Variants in MSRB3 observed in about 807,000 individuals in gnomAD.
The protein encoded by MSRB3 is methionine sulfoxide reductase B3.
MSRB3 carries 13 observed loss-of-function variants against 21.0 expected under a neutral mutation model. The observed-to-expected ratio is 0.62, with a 90% CI of 0.40 to 0.98. MSRB3 has a LOEUF of 0.98. Among genes scored for constraint, MSRB3 ranks in the 50% least tolerant of loss-of-function variants. The pLI is 0.00. For synonymous variants in MSRB3, 87 were observed against 88.6 expected, an observed-to-expected ratio of 0.98 and a Z score of 0.10; for missense variants, 199 against 230.3, an observed-to-expected ratio of 0.86 and a Z score of 0.88.
intron 4 of MSRB3, among the ~76,000 whole-genome samples, chr12:65,344,713 C>G (rs542303838): frequency 1.3e-5 from 2 of 151,700 alleles, no homozygotes; most frequent in African/African-American, 2.4e-5. Context: ...GGGCAAAAAG[C>G]TACATTCAGG....
At chr12:65,380,597 T>G (rs1878887032) in intron 5 of MSRB3, among the ~76,000 whole-genome samples, 1 of 152,102 alleles carries the variant, frequency 6.6e-6, no homozygotes, top group African/African-American at 2.4e-5. Context: ...AATTGGTACT[T>G]AACTCTGTGG....
chr12:65,452,721 T>C (rs1229331300), intron 5 of MSRB3, among the ~76,000 whole-genome samples: 1 of 152,200 alleles, frequency 6.6e-6, no homozygotes. Context: ...AAAAATCATG[T>C]TGTTGAAGTT....
At chr12:65,308,768 C>T (rs1873807378) in intron 2 of MSRB3, 113 bp downstream of exon 2, 2 of 1,479,768 alleles carry the variant, frequency 1.4e-6, no homozygotes, top group Non-Finnish European at 1.9e-6. Context: ...TTTACTTGGG[C>T]CCTAATTTGA....
rs1247045163 is a variant in MSRB3 at position 65,464,323 on chromosome 12, A to AT, written c.*1002dup. 1 of 152,206 alleles carries AT rather than the reference A, an allele frequency of 6.6e-6. No individual in the cohort carries two copies. The highest frequency in any genetic ancestry group is 1.5e-5 in the Non-Finnish European group (1 of 68,122). 9.4% of individuals were successfully genotyped at this position (152,206 alleles called of 1,614,324 possible). A position where few individuals can be genotyped will look rare whatever the true frequency, so the allele number is the denominator to read the frequency against. On this transcript the variant is annotated 3_prime_UTR_variant, in exon 7 of 7. Coordinates refer to ENST00000308259, the MANE Select transcript of MSRB3 (RefSeq NM_001031679.3). ...AAGAACTAGCTGGGCATGGTGGCGCATGCATGTAGTCCCAGCTACTCCTGA... is the reference window on the plus strand; with the variant it reads ...AAGAACTAGCTGGGCATGGTGGCGCATTGCATGTAGTCCCAGCTACTCCTGA...
At chr12:65,313,915 G>A (rs959848992) in intron 2 of MSRB3, among the ~76,000 whole-genome samples, 6 of 152,098 alleles carry the variant, frequency 3.9e-5, no homozygotes, top group African/African-American at 1.4e-4. Context: ...ATGGCACTAG[G>A]TTTACATTCT....
chr12:65,307,912 C>G lies in MSRB3; in HGVS notation c.-51-617C>G, dbSNP rs78767232. 1.1e-4 allele frequency among the ~76,000 whole-genome samples: 17 copies of G among 152,230 alleles called. No homozygotes were observed. In the East Asian group the frequency reaches 3.3e-3, roughly 29 times the overall value. ...AATTGTCCTTAGGTTTTCTGGGTCT[C>G]TATTTTATAAAATGAAATTCTAACA... is the stretch of plus-strand genomic sequence containing the variant. On this transcript the variant is annotated intron_variant, in intron 1 of 6. Coordinates refer to ENST00000308259, the MANE Select transcript of MSRB3 (RefSeq NM_001031679.3).
chr12:65,441,316 T>C (rs1882369115), intron 5 of MSRB3, among the ~76,000 whole-genome samples: 1 of 151,850 alleles, frequency 6.6e-6, no homozygotes, highest in African/African-American at 2.4e-5. Flanking sequence ...ATATGAGGAG[T>C]GGTAAGTAGG....
intron 4 of MSRB3, among the ~76,000 whole-genome samples, chr12:65,337,789 T>C (rs370595296): frequency 2.0e-5 from 3 of 152,340 alleles, no homozygotes; most frequent in South Asian, 2.1e-4. Flanking sequence ...CAGTGATCCA[T>C]CTCATCCAAA....
chr12:65,380,367 A>G (rs1238478868), intron 5 of MSRB3, among the ~76,000 whole-genome samples: 7 of 152,126 alleles, frequency 4.6e-5, no homozygotes, highest in Non-Finnish European at 1.5e-5. Context: ...CTTGAGGTAC[A>G]GGAGTTCGAA....
intron 5 of MSRB3, among the ~76,000 whole-genome samples, chr12:65,436,647 A>T (rs540420765): frequency 2.6e-5 from 4 of 151,906 alleles, no homozygotes; most frequent in Admixed American, 2.6e-4. Flanking sequence ...TCATTACATA[A>T]TGTTGTTTAT....
intron 5 of MSRB3, among the ~76,000 whole-genome samples, chr12:65,387,806 A>G (rs1879270126): frequency 6.6e-6 from 1 of 152,186 alleles, no homozygotes; most frequent in Admixed American, 6.5e-5. Context: ...CTGATAAGAC[A>G]TAAAGCTGGA....
At chr12:65,398,206 C>G (rs1203470337) in intron 5 of MSRB3, among the ~76,000 whole-genome samples, 1 of 152,182 alleles carries the variant, frequency 6.6e-6, no homozygotes, top group Non-Finnish European at 1.5e-5. Context: ...AATGGTTGAA[C>G]TAAATTTACA....
chr12:65,308,339 C>T (rs1218329831), intron 1 of MSRB3, among the ~76,000 whole-genome samples, 190 bp from the exon 2 acceptor site: 2 of 152,046 alleles, frequency 1.3e-5, no homozygotes, highest in East Asian at 1.9e-4. Flanking sequence ...GTGTATTTTA[C>T]CTCTAAGGTA....
intron 5 of MSRB3, among the ~76,000 whole-genome samples, chr12:65,413,572 C>T (rs1191584238): frequency 2.6e-5 from 4 of 152,026 alleles, no homozygotes; most frequent in Non-Finnish European, 5.9e-5. Flanking sequence ...TAATTTCATC[C>T]CTCATTCAGT....
chr12:65,326,845 G>A lies in MSRB3; in HGVS notation c.96G>A (p.Lys32=), dbSNP rs2136450801. 3 of 1,613,212 alleles carry A rather than the reference G, an allele frequency of 1.9e-6. No individual in the cohort carries two copies. The highest frequency in any genetic ancestry group is 2.5e-6 in the Non-Finnish European group (3 of 1,179,388). Residue 32 remains lysine, a synonymous_variant, in exon 3 of 7, where the codon AAG becomes AAA. Transcript: ENST00000308259. ...GLPSGSCRDK[K]NCKVVFSQQE... is the part of the protein sequence containing the mutation. Reference sequence around the variant, plus strand: ...TTTCAGGGTCGTGTAGGGATAAAAAGAACTGTAAGGTGGTCTTTTCCCAGC... The same window carrying A: ...TTTCAGGGTCGTGTAGGGATAAAAAAAACTGTAAGGTGGTCTTTTCCCAGC...
At chr12:65,425,073 G>A (rs1218409472) in intron 5 of MSRB3, among the ~76,000 whole-genome samples, 1 of 3,712 alleles carries the variant, frequency 2.7e-4, no homozygotes, top group African/African-American at 8.1e-4. Context: ...GTAGTTATAT[G>A]CTCTTGAAGA....
intron 4 of MSRB3, among the ~76,000 whole-genome samples, chr12:65,355,532 T>G (rs1240892874): frequency 1.3e-5 from 2 of 151,944 alleles, no homozygotes; most frequent in African/African-American, 4.8e-5. Context: ...ATACTTTTGT[T>G]CATTCATGTC....
intron 4 of MSRB3, among the ~76,000 whole-genome samples, chr12:65,354,381 G>A (rs989458066): frequency 6.6e-6 from 1 of 151,946 alleles, no homozygotes; most frequent in African/African-American, 2.4e-5. Context: ...CGTAGATTTG[G>A]TCTTTTCACA....
chr12:65,364,552 C>G (rs538664084), intron 4 of MSRB3, among the ~76,000 whole-genome samples: 80 of 152,260 alleles, frequency 5.3e-4, no homozygotes, highest in African/African-American at 1.8e-3. Flanking sequence ...GCATAGTATA[C>G]TACTAAAAAT....
Sources: allele counts gnomAD v4.1 joint callset (sites outside exome capture counted in the v4.1 genomes callset), GRCh38; gene constraint gnomAD v4.1.1; transcripts MANE v1.5; gene names NCBI Gene and HGNC (gene_info 2026-07-23, HGNC 2026-07-21).